Variants in TFEB observed in about 807,000 individuals in gnomAD.
TFEB encodes transcription factor EB.
In TFEB, 12 loss-of-function variants were observed where a neutral mutation model predicts 48.0. That is an observed-to-expected ratio of 0.25 (90% confidence interval 0.16 to 0.40). The LOEUF (loss-of-function observed/expected upper bound fraction) is 0.40. Among genes scored for constraint, TFEB ranks in the 10% least tolerant of loss-of-function variants. TFEB has a pLI of 1.00. For synonymous variants in TFEB, 244 were observed against 261.4 expected (o/e 0.93, Z 0.64); for missense variants, 509 against 640.3 (o/e 0.79, Z 2.21).
intron 1 of TFEB, among the ~76,000 whole-genome samples, chr6:41,696,010 C>T (rs929283986): frequency 2.0e-5 from 3 of 152,108 alleles, no homozygotes; most frequent in African/African-American, 7.2e-5. Flanking sequence ...ACCGAGTGGC[C>T]AGCAGAGGCA....
chr6:41,701,038 G>T (rs993212085), intron 1 of TFEB, among the ~76,000 whole-genome samples: 8 of 152,382 alleles, frequency 5.2e-5, no homozygotes, highest in African/African-American at 1.9e-4. Flanking sequence ...AACTAGAAAA[G>T]GATTCCACCC....
At chr6:41,689,886 C>T in intron 3 of TFEB, 75 bp from the exon 4 acceptor site, 1 of 1,229,858 alleles carries the variant, frequency 8.1e-7, no homozygotes, top group Non-Finnish European at 1.2e-6. Flanking sequence ...GGGACAACCA[C>T]TGACCTGGAG....
At chr6:41,688,502 G>A (rs1469159399) in intron 4 of TFEB, among the ~76,000 whole-genome samples, 1 of 152,010 alleles carries the variant, frequency 6.6e-6, no homozygotes, top group Non-Finnish European at 1.5e-5. Flanking sequence ...GGTGCTGTAG[G>A]CAGGGCAGAT....
At chr6:41,686,023 G>GC in intron 8 of TFEB, 67 bp downstream of exon 8, 1 of 1,598,380 alleles carries the variant, frequency 6.3e-7, no homozygotes, top group East Asian at 2.2e-5. Flanking sequence ...TACAAGTACT[G>GC]CCCCTTAGGG....
intron 1 of TFEB, among the ~76,000 whole-genome samples, chr6:41,718,766 A>T (rs770285700): frequency 3.5e-4 from 53 of 151,594 alleles, no homozygotes; most frequent in Middle Eastern, 3.4e-3. Context: ...CCTGGAATAG[A>T]TTTGGAGCCA....
intron 1 of TFEB, among the ~76,000 whole-genome samples, chr6:41,718,931 A>G (rs1213898826): frequency 6.6e-6 from 1 of 152,178 alleles, no homozygotes; most frequent in Non-Finnish European, 1.5e-5. Context: ...CCCAGTCCCC[A>G]GGCCACAGAC....
In TFEB at chr6:41,720,515, A is replaced by T. The variant is rs1010990678; in HGVS notation, c.-23+14835T>A. ...GCCGGTTCATCCACAATAGGTCACA[A>T]GATGGGCATCACCACCCAGGAGGCT... is the stretch of plus-strand genomic sequence containing the variant. On this transcript the variant is annotated intron_variant, in intron 1 of 8. Transcript: ENST00000373033. This position sits in a 1 kb window ranked among gnomAD's most constrained non-coding sequence, Gnocchi z 4.1. 1 of 152,368 alleles carries T rather than the reference A, an allele frequency of 6.6e-6. No individual in the cohort carries two copies. Among genetic ancestry groups the T allele is most frequent in the East Asian group, 1.9e-4 (1 of 5,202 alleles). The allele number at this position is 152,368 out of a possible 1,614,324, so 9.4% of individuals were successfully genotyped here. A position where few individuals can be genotyped will look rare whatever the true frequency, so the allele number is the denominator to read the frequency against.
chr6:41,691,377 C>A lies in TFEB; in HGVS notation c.-22-142G>T. 1 of 886,026 alleles carries A rather than the reference C, an allele frequency of 1.1e-6. No homozygotes were observed. 54.9% of individuals were successfully genotyped at this position (886,026 alleles called of 1,614,324 possible). On this transcript the variant is annotated intron_variant, in intron 1 of 8. Transcript: ENST00000373033. The surrounding 1 kb of genome is among the most constrained non-coding windows in gnomAD (Gnocchi z 5.2). ...GAGCCCTGAGAGGGGAAGAGATTTG[C>A]CCAAGGTCACTGAGCAAGCGGGTGA...
intron 8 of TFEB, among the ~76,000 whole-genome samples, chr6:41,685,661 C>A (rs1394275564): frequency 3.3e-5 from 5 of 152,210 alleles, no homozygotes; most frequent in Non-Finnish European, 7.3e-5. Flanking sequence ...TAGTGCCACC[C>A]ACCAAATGAT....
At position 41,684,511 on chromosome 6, in the gene TFEB, A is replaced by C; in HGVS notation, c.*88T>G. 6.9e-7 allele frequency: 1 copy of C among 1,441,830 alleles called. No individual in the cohort carries two copies. The highest frequency in any genetic ancestry group is 1.5e-5 in the South Asian group (1 of 67,326). 89.3% of individuals were successfully genotyped at this position (1,441,830 alleles called of 1,614,324 possible). A position where few individuals can be genotyped will look rare whatever the true frequency, so the allele number is the denominator to read the frequency against. On this transcript the variant is annotated 3_prime_UTR_variant, in exon 9 of 9. Coordinates refer to ENST00000373033, the MANE Select transcript of TFEB (RefSeq NM_001271944.2). ...CAGGGCAGGTGGCTACTTCACACAC[A>C]GTGCAGCCTGAAGGGTGGGAGGGAG...
At chr6:41,722,450 T>C (rs1771021827) in intron 1 of TFEB, among the ~76,000 whole-genome samples, 2 of 152,186 alleles carry the variant, frequency 1.3e-5, no homozygotes, top group African/African-American at 2.4e-5. Context: ...CATACTTCTA[T>C]TGGAACCCAG....
Position 41,704,066 on chromosome 6 carries a change from C to T in TFEB, c.-22-12831G>A, listed in dbSNP as rs553894677. On this transcript the variant is annotated intron_variant, in intron 1 of 8. Coordinates refer to ENST00000373033, the MANE Select transcript of TFEB (RefSeq NM_001271944.2). Reference sequence around the variant, plus strand: ...CTTGGCTAAGCAGGTGGGTGCAGGACACCAGCCTCCCCTCAGCTCTTGTTT... The same window carrying T: ...CTTGGCTAAGCAGGTGGGTGCAGGATACCAGCCTCCCCTCAGCTCTTGTTT... Among the ~76,000 whole-genome samples, 77 of 152,270 alleles carry T rather than the reference C, an allele frequency of 5.1e-4. 1 individual carries two copies. Among genetic ancestry groups the T allele is most frequent in the Middle Eastern group, 6.8e-3 (2 of 294 alleles).
chr6:41,706,095 G>T (rs1453249446), intron 1 of TFEB, among the ~76,000 whole-genome samples: 1 of 152,184 alleles, frequency 6.6e-6, no homozygotes, highest in East Asian at 1.9e-4. Context: ...CCAGAGCGCA[G>T]GTCCCCAGAA....
At chr6:41,719,002 G>A (rs1244361023) in intron 1 of TFEB, among the ~76,000 whole-genome samples, 1 of 152,182 alleles carries the variant, frequency 6.6e-6, no homozygotes, top group African/African-American at 2.4e-5. Context: ...GTGGTGGGCA[G>A]GCAGGCAGGT....
chr6:41,728,526 G>A (rs1258197802), intron 1 of TFEB, among the ~76,000 whole-genome samples: 1 of 152,126 alleles, frequency 6.6e-6, no homozygotes, highest in Non-Finnish European at 1.5e-5. Context: ...TCACCTCCTG[G>A]CCACTCTGCA....
In TFEB at chr6:41,724,261, G is replaced by A; in HGVS notation, c.-23+11089C>T. On this transcript the variant is annotated intron_variant, in intron 1 of 8. Transcript: ENST00000373033. The surrounding 1 kb of genome is among the most constrained non-coding windows in gnomAD (Gnocchi z 4.4). ...TTTCACTTAGTGCTTCTTTCTGGTGGCCAAGGGATTCCCATCGTTGATAAG... is the reference window on the plus strand; with the variant it reads ...TTTCACTTAGTGCTTCTTTCTGGTGACCAAGGGATTCCCATCGTTGATAAG... 6.6e-6 allele frequency among the ~76,000 whole-genome samples: 1 copy of A among 152,200 alleles called. No individual in the cohort carries two copies. Among genetic ancestry groups the A allele is most frequent in the East Asian group, 1.9e-4 (1 of 5,196 alleles).
rs968820195 is a variant in TFEB at position 41,735,031 on chromosome 6, C to T, written c.-23+319G>A. ...CTCCCGCCCCTTCGACTCCCAGCTC[C>T]GGGCCGGGAAGGCCCATGCCCGCCC... is the stretch of plus-strand genomic sequence containing the variant. On this transcript the variant is annotated intron_variant, in intron 1 of 8. Transcript: ENST00000373033. 40 of 985,346 alleles carry T rather than the reference C, an allele frequency of 4.1e-5. No individual in the cohort carries two copies. The East Asian group carries it at 4.2e-3, about 104-fold the overall frequency. 61.0% of individuals were successfully genotyped at this position (985,346 alleles called of 1,614,324 possible). A position where few individuals can be genotyped will look rare whatever the true frequency, so the allele number is the denominator to read the frequency against.
intron 1 of TFEB, among the ~76,000 whole-genome samples, chr6:41,721,810 G>C (rs1287886044): frequency 1.3e-5 from 2 of 152,200 alleles, no homozygotes; most frequent in Non-Finnish European, 2.9e-5. Context: ...GGCTCAGACA[G>C]AGCTGAAAAC....
In TFEB at chr6:41,684,701, T is replaced by C. The variant is rs768592563; in HGVS notation, c.1329A>G (p.Leu443=). Residue 443 remains leucine (L), a synonymous_variant, in exon 9 of 9, where the codon CTA becomes CTG. Coordinates refer to ENST00000373033, the MANE Select transcript of TFEB (RefSeq NM_001271944.2). ...LDLMLLDDSL[L]PLASDPLLST... is the part of the protein sequence containing the mutation. ...ACAGAAGTGGATCAGAGGCCAGCGGTAGCAGTGAGTCGTCCAGGAGCATGA... is the reference window on the plus strand; with the variant it reads ...ACAGAAGTGGATCAGAGGCCAGCGGCAGCAGTGAGTCGTCCAGGAGCATGA... 6.8e-6 allele frequency: 11 copies of C among 1,613,672 alleles called. No homozygotes were observed. The highest frequency in any genetic ancestry group is 1.3e-5 in the African/African-American group (1 of 75,030).
Sources: allele counts gnomAD v4.1 joint callset (sites outside exome capture counted in the v4.1 genomes callset), GRCh38; gene constraint gnomAD v4.1.1; non-coding constraint Gnocchi (gnomAD v3.1); transcripts MANE v1.5; gene names NCBI Gene and HGNC (gene_info 2026-07-23, HGNC 2026-07-21).